The following ASGR1 variants were observed in gnomAD, a reference collection of about 807,000 sequenced individuals.
The protein encoded by ASGR1 is C-type lectin domain family 4 member H1.
A neutral mutation model predicts 33.1 loss-of-function variants in ASGR1; 35 were observed. That is an observed-to-expected ratio of 1.06 (90% CI 0.81 to 1.40). ASGR1 has a LOEUF of 1.40. Among genes scored for constraint, ASGR1 ranks in the 40% most tolerant of loss-of-function variants. ASGR1 has a pLI of 0.00. For missense variants in ASGR1, 396 were observed against 373.7 expected, an observed-to-expected ratio of 1.06 and a Z score of -0.49; for synonymous variants, 142 against 152.5, an observed-to-expected ratio of 0.93 and a Z score of 0.51.
chr17:7,177,114 C>T, intron 3 of ASGR1, 38 bp from the exon 4 acceptor site: 1 of 1,613,254 alleles, frequency 6.2e-7, no homozygotes, highest in African/African-American at 1.3e-5. Context: ...AAAACGGGAT[C>T]GCTGTGTCCG....
chr17:7,174,401 A>C lies in ASGR1; in HGVS notation c.415T>G (p.Cys139Gly), dbSNP rs751321763. Reference protein sequence around the residue: ...QFVSDLRSLSCQMAALQGNGS... With the variant: ...QFVSDLRSLSGQMAALQGNGS... ...TTGCCCTGGAGCGCCGCCATCTGAC[A>C]GCTCAGGCTCCGCAGGTCAGACACG... Residue 139 changes from cysteine to glycine, a missense_variant, in exon 6 of 9, where the codon TGT becomes GGT. Coordinates refer to ENST00000269299, the MANE Select transcript of ASGR1 (RefSeq NM_001671.5). 5.9e-5 allele frequency: 95 copies of C among 1,613,956 alleles called. No individual in the cohort carries two copies. Among genetic ancestry groups the C allele is most frequent in the Non-Finnish European group, 8.0e-5 (94 of 1,179,952 alleles).
rs755504341 is a variant in ASGR1, at chr17:7,173,969, C to G, written c.693G>C (p.Thr231=). 1 of 1,614,064 alleles carries G rather than the reference C, an allele frequency of 6.2e-7. No homozygotes were observed. The highest frequency in any genetic ancestry group is 8.5e-7 in the Non-Finnish European group (1 of 1,180,002). Residue 231 remains threonine, a synonymous_variant, in exon 8 of 9, where the codon ACG becomes ACC. Transcript: ENST00000269299. This position sits in a 1 kb window ranked among gnomAD's most constrained non-coding sequence, Gnocchi z 4.7. ...WKWVDGTDYE[T]GFKNWRPEQP... ...GGAGGGCGCGCACTCACTTGAAGCC[C>G]GTCTCGTAGTCCGTCCCGTCCACCC...
chr17:7,174,766 C>T (rs1194940783), intron 5 of ASGR1, among the ~76,000 whole-genome samples: 2 of 150,342 alleles, frequency 1.3e-5, no homozygotes, highest in Non-Finnish European at 3.0e-5. Flanking sequence ...ACACACAAAA[C>T]ACAACACATA....
At chr17:7,178,126 A>T (rs2069238190) in intron 2 of ASGR1, 2 of 301,796 alleles carry the variant, frequency 6.6e-6, no homozygotes, top group South Asian at 4.7e-5. Flanking sequence ...ACACACACGC[A>T]CACGCTCGCA....
At chr17:7,174,328 C>T (rs1443634286) in intron 6 of ASGR1, 39 bp from the exon 7 acceptor site, 1 of 1,613,636 alleles carries the variant, frequency 6.2e-7, no homozygotes, top group Admixed American at 1.7e-5. Context: ...TAAGCGCTGC[C>T]CAGAGAAGGG....
In ASGR1 at chr17:7,176,966, C is replaced by G; in HGVS notation, c.283+15G>C. 7 of 1,603,230 alleles carry G rather than the reference C, an allele frequency of 4.4e-6. No individual in the cohort carries two copies. Among genetic ancestry groups the G allele is most frequent in the South Asian group, 2.2e-5 (2 of 90,178 alleles). On this transcript the variant is annotated intron_variant, in intron 4 of 8. Coordinates refer to ENST00000269299, the MANE Select transcript of ASGR1 (RefSeq NM_001671.5). ...AGCCCCAGCCCCAGCCCCAGCCCCG[C>G]CCCAGCGCCCTCACCCTGGGTGCTC...
At chr17:7,175,589 CATAT>C (rs1363491968) in intron 5 of ASGR1, among the ~76,000 whole-genome samples, 2 of 150,844 alleles carry the variant, frequency 1.3e-5, no homozygotes, top group Non-Finnish European at 2.9e-5. Context: ...TGCACTTACA[CATAT>C]ACTTACATTC....
rs1035307799 is a variant in ASGR1 at position 7,173,574 on chromosome 17, T to A, written c.*85A>T. ...CTTCCCTTAAAATCCTAGATGAAAATTCCCGAGAAAGCAGAAGAGGCCCCC... is the reference window on the plus strand; with the variant it reads ...CTTCCCTTAAAATCCTAGATGAAAAATCCCGAGAAAGCAGAAGAGGCCCCC... On this transcript the variant is annotated 3_prime_UTR_variant, in exon 9 of 9. Transcript: ENST00000269299. This position sits in a 1 kb window ranked among gnomAD's most constrained non-coding sequence, Gnocchi z 4.7. 9 of 1,557,852 alleles carry A rather than the reference T, an allele frequency of 5.8e-6. No homozygotes were observed. The African/African-American group carries it at 1.2e-4, about 21-fold the overall frequency.
At chr17:7,175,398 C>G (rs186775822) in intron 5 of ASGR1, among the ~76,000 whole-genome samples, 31 of 150,262 alleles carry the variant, frequency 2.1e-4, no homozygotes, top group Middle Eastern at 3.5e-3. Context: ...CCACAACACA[C>G]CCTCACACAG....
intron 5 of ASGR1, 152 bp from the exon 6 acceptor site, chr17:7,174,612 T>TACACAC (rs146843548): frequency 8.0e-6 from 5 of 624,524 alleles, no homozygotes; most frequent in African/African-American, 3.8e-5. Context: ...GAGACCCCCA[T>TACACAC]ACACACACAC....
intron 5 of ASGR1, among the ~76,000 whole-genome samples, chr17:7,175,869 T>TCA (rs368357043): frequency 0.14 from 18,169 of 134,380 alleles, 2,472 homozygotes; most frequent in African/African-American, 0.35. Context: ...CTCCCACTCC[T>TCA]CACACACAGT....
Position 7,173,651 on chromosome 17 carries a change from G to T in ASGR1, c.*8C>A, listed in dbSNP as rs776557238. On this transcript the variant is annotated 3_prime_UTR_variant, in exon 9 of 9. Transcript: ENST00000269299. This position sits in a 1 kb window ranked among gnomAD's most constrained non-coding sequence, Gnocchi z 4.7. ...CCCTGCGGCAGGTCGAGGCATTGAA[G>T]AAATAAATTAAAGGAGAGGTGGCTC... The T allele has an allele frequency of 9.3e-6, 15 of 1,612,648 alleles. No individual in the cohort carries two copies. In the East Asian group the frequency reaches 2.9e-4, roughly 31 times the overall value.
chr17:7,173,791 C>T lies in ASGR1; in HGVS notation c.744G>A (p.Gly248=). ...PEQPDDWYGH[G]LGGGEDCAHF... ...GGGCACAGTCCTCGCCTCCTCCGAG[C>T]CCGTGGCCGTACCAGTCGTCCGGCT... The change falls in exon 9 of 9, where the codon GGG becomes GGA. Residue 248 remains glycine, a synonymous_variant. Transcript: ENST00000269299. The surrounding 1 kb of genome is among the most constrained non-coding windows in gnomAD (Gnocchi z 4.7). The T allele has an allele frequency of 6.2e-7, 1 of 1,612,550 alleles. No individual in the cohort carries two copies. Among genetic ancestry groups the T allele is most frequent in the African/African-American group, 1.3e-5 (1 of 75,072 alleles).
chr17:7,177,506 A>C (rs1347273681), intron 2 of ASGR1, 180 bp from the exon 3 acceptor site: 2 of 586,198 alleles, frequency 3.4e-6, no homozygotes, highest in Non-Finnish European at 6.0e-6. Flanking sequence ...CGGGGAGAAA[A>C]GAGGGCTGGG....
chr17:7,173,655 T>G lies in ASGR1; in HGVS notation c.*4A>C. The G allele has an allele frequency of 6.2e-7, 1 of 1,612,550 alleles. No homozygotes were observed. The highest frequency in any genetic ancestry group is 8.5e-7 in the Non-Finnish European group (1 of 1,179,960). ...GCGGCAGGTCGAGGCATTGAAGAAA[T>G]AAATTAAAGGAGAGGTGGCTCCTGG... On this transcript the variant is annotated 3_prime_UTR_variant, in exon 9 of 9. Transcript: ENST00000269299. This position sits in a 1 kb window ranked among gnomAD's most constrained non-coding sequence, Gnocchi z 4.7.
chr17:7,174,148 C>CA lies in ASGR1; in HGVS notation c.583dup (p.Trp195LeufsTer133). ...CCTCCGGGTCCTCACCTGCTCCTCC[C>CA]AGGACGTGACCACCACCAGGTGCGC... On this transcript the variant is annotated frameshift_variant, in exon 7 of 9. Coordinates refer to ENST00000269299, the MANE Select transcript of ASGR1 (RefSeq NM_001671.5). LOFTEE classifies it high-confidence loss of function. The CA allele has an allele frequency of 6.2e-7, 1 of 1,614,076 alleles. No individual in the cohort carries two copies. Among genetic ancestry groups the CA allele is most frequent in the South Asian group, 1.1e-5 (1 of 91,072 alleles).
At chr17:7,175,004 ACT>A (rs1304632058) in intron 5 of ASGR1, among the ~76,000 whole-genome samples, 1 of 147,596 alleles carries the variant, frequency 6.8e-6, no homozygotes, top group Non-Finnish European at 1.5e-5. Flanking sequence ...ACACACCCTA[ACT>A]CACATACACA....
chr17:7,173,988 T>C lies in ASGR1; in HGVS notation c.674A>G (p.Asp225Gly). 1.2e-6 allele frequency: 2 copies of C among 1,614,202 alleles called. No homozygotes were observed. Among genetic ancestry groups the C allele is most frequent in the Non-Finnish European group, 1.7e-6 (2 of 1,180,002 alleles). ...GAAGCCCGTCTCGTAGTCCGTCCCGTCCACCCACTTCCAGGGCCCGTTTTG... is the reference window on the plus strand; with the variant it reads ...GAAGCCCGTCTCGTAGTCCGTCCCGCCCACCCACTTCCAGGGCCCGTTTTG... ...HDQNGPWKWV[D>G]GTDYETGFKN... Residue 225 changes from aspartate (D) to glycine (G), a missense_variant, in exon 8 of 9, where the codon GAC (aspartate) becomes GGC (glycine). Coordinates refer to ENST00000269299, the MANE Select transcript of ASGR1 (RefSeq NM_001671.5). The surrounding 1 kb of genome is among the most constrained non-coding windows in gnomAD (Gnocchi z 4.7).
chr17:7,176,411 TCACAGA>T (rs1352610865), intron 5 of ASGR1, among the ~76,000 whole-genome samples: 1 of 137,726 alleles, frequency 7.3e-6, no homozygotes, highest in African/African-American at 2.8e-5. Context: ...ATTATCACAC[TCACAGA>T]CACACTCCGT....
Sources: allele counts gnomAD v4.1 joint callset (sites outside exome capture counted in the v4.1 genomes callset), GRCh38; gene constraint gnomAD v4.1.1; non-coding constraint Gnocchi (gnomAD v3.1); transcripts MANE v1.5; gene names NCBI Gene and HGNC (gene_info 2026-07-23, HGNC 2026-07-21).